The following WIPI1 variants were observed in gnomAD, a reference collection of about 807,000 sequenced individuals.
WIPI1 encodes WD repeat domain, phosphoinositide interacting 1.
A neutral mutation model predicts 55.3 loss-of-function variants in WIPI1; 45 were observed. The ratio of observed to expected loss-of-function variants is 0.81; its 90% CI spans 0.64 to 1.04. WIPI1 has a LOEUF of 1.04. WIPI1 is among the 50% of genes least tolerant of loss of function. WIPI1 has a pLI of 0.00. For missense variants in WIPI1, 445 were observed against 559.0 expected (o/e 0.80, Z 2.06); for synonymous variants, 195 against 217.6 (o/e 0.90, Z 0.92).
intron 12 of WIPI1, chr17:68,424,598 G>A (rs1470943364): frequency 1.7e-5 from 8 of 478,674 alleles, no homozygotes; most frequent in South Asian, 3.3e-5. Context: ...ACTTCCGGCC[G>A]GGTGCGGCGG....
chr17:68,448,117 G>A (rs542870342), intron 3 of WIPI1, among the ~76,000 whole-genome samples: 1 of 152,022 alleles, frequency 6.6e-6, no homozygotes, highest in Admixed American at 6.5e-5. Flanking sequence ...AGCAGACTGA[G>A]TGCTACAGAA....
chr17:68,424,972 A>G (rs2083062888), intron 12 of WIPI1, among the ~76,000 whole-genome samples: 1 of 152,224 alleles, frequency 6.6e-6, no homozygotes. Flanking sequence ...AGCGGTCTAT[A>G]TGTTACTCCA....
At chr17:68,436,265 G>T (rs2083780696) in intron 5 of WIPI1, 117 bp downstream of exon 5, 2 of 870,152 alleles carry the variant, frequency 2.3e-6, no homozygotes, top group African/African-American at 1.7e-5. Flanking sequence ...CAACTCCCCA[G>T]TATTGCTTAC....
chr17:68,443,900 A>G (rs944471638), intron 4 of WIPI1, among the ~76,000 whole-genome samples: 4 of 152,252 alleles, frequency 2.6e-5, no homozygotes, highest in Non-Finnish European at 5.9e-5. Flanking sequence ...ATGAATTCAT[A>G]TAATGTCATC....
intron 8 of WIPI1, 35 bp from the exon 9 acceptor site, chr17:68,430,195 G>A (rs1478804648): frequency 1.9e-6 from 3 of 1,581,898 alleles, no homozygotes; most frequent in Non-Finnish European, 2.6e-6. Context: ...ATGGGACTGG[G>A]CTGCAGGCCC....
chr17:68,446,468 T>A (rs1172398516), intron 3 of WIPI1, among the ~76,000 whole-genome samples: 1 of 152,120 alleles, frequency 6.6e-6, no homozygotes, highest in East Asian at 1.9e-4. Context: ...AAGCATGAGC[T>A]ACTGTGCCCA....
At chr17:68,425,744 C>T (rs1344710953) in intron 12 of WIPI1, among the ~76,000 whole-genome samples, 3 of 152,176 alleles carry the variant, frequency 2.0e-5, no homozygotes, top group African/African-American at 2.4e-5. Context: ...AGACAAGTCA[C>T]GTGTTCCTAC....
intron 4 of WIPI1, among the ~76,000 whole-genome samples, chr17:68,437,729 A>G (rs2083878358): frequency 1.3e-5 from 2 of 152,146 alleles, no homozygotes; most frequent in Non-Finnish European, 2.9e-5. Context: ...AGATGCTTCA[A>G]TAATATTCCG....
chr17:68,426,355 C>G (rs1197544987), intron 11 of WIPI1, among the ~76,000 whole-genome samples, 180 bp from the exon 12 acceptor site: 2 of 152,066 alleles, frequency 1.3e-5, no homozygotes, highest in Non-Finnish European at 2.9e-5. Context: ...CATCTTTAAG[C>G]CTGACCTGCC....
At chr17:68,448,187 G>A (rs1470616215) in intron 3 of WIPI1, 1 of 152,020 alleles carries the variant, frequency 6.6e-6, no homozygotes, top group Non-Finnish European at 1.5e-5. Context: ...CAGTCCTCCC[G>A]GACACCACAG....
intron 11 of WIPI1, 79 bp from the exon 12 acceptor site, chr17:68,426,254 G>GGGGGGGGGGGGGGGGCCCCCCCCCC: frequency 1.2e-6 from 1 of 816,918 alleles, no homozygotes; most frequent in East Asian, 3.5e-5. Context: ...GGGAGCGGGG[G>GGGGGGGGGGGGGGGGCCCCCCCCCC]CTCAAATAAA....
At chr17:68,431,746 G>A (rs11077556) in intron 8 of WIPI1, among the ~76,000 whole-genome samples, 1,596 of 15,666 alleles carry the variant, frequency 0.1, 2 homozygotes, top group South Asian at 0.15. Context: ...CGTAACCGCC[G>A]GGGACATATG....
intron 8 of WIPI1, among the ~76,000 whole-genome samples, chr17:68,430,625 G>C (rs76330364): frequency 6.6e-6 from 1 of 152,172 alleles, no homozygotes; most frequent in African/African-American, 2.4e-5. Context: ...ACTTTGGGTG[G>C]TGTTTGATTG....
In WIPI1 at chr17:68,440,006, C is replaced by T. The variant is rs568891933; in HGVS notation, c.431-3527G>A. Among the ~76,000 whole-genome samples, 12 of 152,248 alleles carry T rather than the reference C, an allele frequency of 7.9e-5. No individual in the cohort carries two copies. The East Asian group carries it at 1.2e-3, about 15-fold the overall frequency. ...ATAAATATTCCCAGAAGGGAAGAAACGTTTAAACTTTCTAAGCTAATATTG... is the reference window on the plus strand; with the variant it reads ...ATAAATATTCCCAGAAGGGAAGAAATGTTTAAACTTTCTAAGCTAATATTG... On this transcript the variant is annotated intron_variant, in intron 4 of 12. Coordinates refer to ENST00000262139, the MANE Select transcript of WIPI1 (RefSeq NM_017983.7).
chr17:68,434,434 A>T, intron 7 of WIPI1, 122 bp downstream of exon 7: 1 of 950,338 alleles, frequency 1.1e-6, no homozygotes, highest in South Asian at 1.7e-5. Context: ...GAGAGTAGTT[A>T]CACTTCCTCC....
In WIPI1 at chr17:68,457,432, GCCCGGGAAGCCGCAGC is replaced by G; in HGVS notation, c.-27_-12del. On this transcript the variant is annotated 5_prime_UTR_variant, in exon 1 of 13. Transcript: ENST00000262139. ...GGCCTCGGCCTCCATCGGGGGCTCG[GCCCGGGAAGCCGCAGC>G]TCGGAGCCGGCGACAGCCACCTCAG... 2.4e-6 allele frequency: 1 copy of G among 416,954 alleles called. No homozygotes were observed. Among genetic ancestry groups the G allele is most frequent in the Non-Finnish European group, 3.4e-6 (1 of 294,778 alleles). 25.8% of individuals were successfully genotyped at this position (416,954 alleles called of 1,614,324 possible).
chr17:68,421,809 G>T lies in WIPI1; in HGVS notation c.1305C>A (p.Cys435Ter), dbSNP rs146678987. 1.5e-5 allele frequency: 25 copies of T among 1,614,100 alleles called. No homozygotes were observed. The highest frequency in any genetic ancestry group is 1.9e-5 in the Non-Finnish European group (23 of 1,180,022). Reference protein sequence around the residue: ...DENEFPPIILCRGNQKGKTKQ... With the variant: ...DENEFPPIIL ...TCGTTTTGCCCTTCTGATTTCCACGGCACAAGATTATCTACCAAAATCAAA... is the reference window on the plus strand; with the variant it reads ...TCGTTTTGCCCTTCTGATTTCCACGTCACAAGATTATCTACCAAAATCAAA... The change falls in exon 13 of 13, where the codon TGC becomes TGA. Residue 435 changes from cysteine (C) to a stop codon, truncating the protein, a stop_gained. Coordinates refer to ENST00000262139, the MANE Select transcript of WIPI1 (RefSeq NM_017983.7). LOFTEE classifies it high-confidence loss of function.
intron 8 of WIPI1, 141 bp from the exon 9 acceptor site, chr17:68,430,301 G>A (rs2083452376): frequency 1.3e-6 from 1 of 779,552 alleles, no homozygotes. Flanking sequence ...TGCCCACTGA[G>A]AACAATCCAG....
chr17:68,444,294 GCACACAGCCCCCCTGCAGGA>G (rs767857252), intron 4 of WIPI1, among the ~76,000 whole-genome samples, 179 bp downstream of exon 4: 4 of 152,134 alleles, frequency 2.6e-5, no homozygotes, highest in Non-Finnish European at 5.9e-5. Context: ...GCAATGAAGG[GCACACAGCCCCCCTGCAGGA>G]CACACAGCCT....
Sources: allele counts gnomAD v4.1 joint callset (sites outside exome capture counted in the v4.1 genomes callset), GRCh38; gene constraint gnomAD v4.1.1; transcripts MANE v1.5; gene names NCBI Gene and HGNC (gene_info 2026-07-23, HGNC 2026-07-21).